The following TRDMT1 variants were observed in gnomAD, a reference collection of about 807,000 sequenced individuals.
The protein encoded by TRDMT1 is tRNA (cytosine(38)-C(5))-methyltransferase.
Under a neutral mutation model 51.2 loss-of-function variants are expected in TRDMT1, and 49 were observed. The ratio of observed to expected loss-of-function variants is 0.96; its 90% CI spans 0.76 to 1.21. TRDMT1 has a LOEUF of 1.21. Ranked by LOEUF, TRDMT1 falls within the 50% of genes most tolerant of loss-of-function variation. The pLI, the probability that TRDMT1 is intolerant of heterozygous loss-of-function variation, is 0.00. For missense variants in TRDMT1, 534 were observed against 462.3 expected (o/e 1.16, Z -1.42); for synonymous variants, 187 against 164.6 (o/e 1.14, Z -1.04).
intron 1 of TRDMT1, among the ~76,000 whole-genome samples, chr10:17,176,870 G>C (rs748887178): frequency 6.6e-6 from 1 of 152,038 alleles, no homozygotes; most frequent in Non-Finnish European, 1.5e-5. Flanking sequence ...TACATATATA[G>C]ATTTTGAAAA....
chr10:17,159,365 C>A, intron 6 of TRDMT1, 136 bp from the exon 7 acceptor site: 2 of 546,612 alleles, frequency 3.7e-6, no homozygotes, highest in Non-Finnish European at 6.5e-6. Flanking sequence ...AAATTTGCTA[C>A]GGATTTGTAG....
In TRDMT1 at chr10:17,140,976, A is replaced by T. The variant is rs1053658139; in HGVS notation, c.*8064T>A. On this transcript the variant is annotated 3_prime_UTR_variant, in exon 11 of 11. Transcript: ENST00000377799. ...TAATTGTAAAGAGCTGCATAGAGGT[A>T]TATGTGTATCGATACATATATAGAT... 3.4e-4 allele frequency among the ~76,000 whole-genome samples: 51 copies of T among 152,226 alleles called. No homozygotes were observed. Among genetic ancestry groups the T allele is most frequent in the Non-Finnish European group, 5.0e-4 (34 of 68,028 alleles).
chr10:17,157,642 AG>A lies in TRDMT1; in HGVS notation c.685del (p.Leu229PhefsTer22). The A allele has an allele frequency of 6.2e-7, 1 of 1,613,804 alleles. No individual in the cohort carries two copies. Among genetic ancestry groups the A allele is most frequent in the Non-Finnish European group, 8.5e-7 (1 of 1,179,832 alleles). On this transcript the variant is annotated frameshift_variant, in exon 8 of 11. Transcript: ENST00000377799. LOFTEE classifies it high-confidence loss of function. The part of the protein sequence containing the change: ...SIQCSGKDAI[L>X]FKLETAEEIH... The stretch of plus-strand genomic sequence containing the variant: ...TTCTTCTGCAGTTTCAAGCTTAAAA[AG>A]AATGGCATCTTTTCCAGAACACTGT...
At chr10:17,181,178 A>G (rs924002059) in intron 1 of TRDMT1, among the ~76,000 whole-genome samples, 1 of 152,216 alleles carries the variant, frequency 6.6e-6, no homozygotes, top group African/African-American at 2.4e-5. Context: ...GAATAAGTGC[A>G]TCACACTCTC....
intron 3 of TRDMT1, among the ~76,000 whole-genome samples, chr10:17,167,714 T>C (rs1841405392): frequency 6.6e-6 from 1 of 152,196 alleles, no homozygotes; most frequent in African/African-American, 2.4e-5. Flanking sequence ...CATATGAATT[T>C]TAAGAAATGT....
At chr10:17,153,886 G>A (rs531235652) in intron 9 of TRDMT1, among the ~76,000 whole-genome samples, 1 of 152,182 alleles carries the variant, frequency 6.6e-6, no homozygotes, top group African/African-American at 2.4e-5. Context: ...TCATTTTTGA[G>A]CCCTTAAAAT....
rs1564541460 is a variant in TRDMT1, at chr10:17,144,835, C to G, written c.*4205G>C. The G allele has an allele frequency of 1.0e-6, 1 of 984,254 alleles. No individual in the cohort carries two copies. Among genetic ancestry groups the G allele is most frequent in the African/African-American group, 1.8e-5 (1 of 56,880 alleles). 61.0% of individuals were successfully genotyped at this position (984,254 alleles called of 1,614,324 possible). A position where few individuals can be genotyped will look rare whatever the true frequency, so the allele number is the denominator to read the frequency against. ...TTTTCTTTTTTTTTTTAAACTGAAGCTTTAAAATTTCACCAGCAAAGACAA... is the reference window on the plus strand; with the variant it reads ...TTTTCTTTTTTTTTTTAAACTGAAGGTTTAAAATTTCACCAGCAAAGACAA... On this transcript the variant is annotated 3_prime_UTR_variant, in exon 11 of 11. Coordinates refer to ENST00000377799, the MANE Select transcript of TRDMT1 (RefSeq NM_004412.7).
rs934291443 is a variant in TRDMT1 at position 17,148,690 on chromosome 10, T to C, written c.*350A>G. On this transcript the variant is annotated 3_prime_UTR_variant, in exon 11 of 11. Coordinates refer to ENST00000377799, the MANE Select transcript of TRDMT1 (RefSeq NM_004412.7). ...TTCTTTAATTAACATAAAAATATGTTATGCCTGTTATGACACTTCACAAGA... is the reference window on the plus strand; with the variant it reads ...TTCTTTAATTAACATAAAAATATGTCATGCCTGTTATGACACTTCACAAGA... 1.0e-5 allele frequency: 10 copies of C among 982,440 alleles called. No individual in the cohort carries two copies. Among genetic ancestry groups the C allele is most frequent in the Non-Finnish European group, 1.2e-5 (10 of 826,534 alleles). 60.9% of individuals were successfully genotyped at this position (982,440 alleles called of 1,614,324 possible). A position where few individuals can be genotyped will look rare whatever the true frequency, so the allele number is the denominator to read the frequency against.
intron 1 of TRDMT1, among the ~76,000 whole-genome samples, chr10:17,197,377 T>C (rs1164010972): frequency 6.6e-6 from 1 of 152,124 alleles, no homozygotes; most frequent in Non-Finnish European, 1.5e-5. Flanking sequence ...GGAAAATAGA[T>C]ATAAATAAAG....
At chr10:17,182,593 T>C (rs1188464116) in intron 1 of TRDMT1, among the ~76,000 whole-genome samples, 9 of 152,170 alleles carry the variant, frequency 5.9e-5, no homozygotes. Context: ...CTGTTCTAAA[T>C]TGAAGAAAGA....
chr10:17,145,966 G>T lies in TRDMT1; in HGVS notation c.*3074C>A, dbSNP rs902260299. 3.7e-5 allele frequency: 36 copies of T among 985,332 alleles called. No homozygotes were observed. Among genetic ancestry groups the T allele is most frequent in the Non-Finnish European group, 4.1e-5 (34 of 829,962 alleles). The allele number at this position is 985,332 out of a possible 1,614,324, so 61.0% of individuals were successfully genotyped here. ...TCACTCTAGACCTCAACTAGGTTGA[G>T]ATGGGAGCAAAAACCCAGATGGTGA... On this transcript the variant is annotated 3_prime_UTR_variant, in exon 11 of 11. Transcript: ENST00000377799.
At chr10:17,151,031 G>A (rs536075682) in intron 10 of TRDMT1, 1,490 of 968,022 alleles carry the variant, frequency 1.5e-3, no homozygotes, top group Non-Finnish European at 1.8e-3. Context: ...GCGTGCATCT[G>A]TGCATATTTC....
chr10:17,166,681 A>G (rs955242524), intron 3 of TRDMT1, among the ~76,000 whole-genome samples: 5 of 152,178 alleles, frequency 3.3e-5, no homozygotes, highest in African/African-American at 1.2e-4. Context: ...AGAAATCTTC[A>G]GTTCTTATTT....
intron 1 of TRDMT1, among the ~76,000 whole-genome samples, chr10:17,196,946 GAAAA>G (rs941011319): frequency 1.3e-5 from 2 of 152,142 alleles, no homozygotes; most frequent in Non-Finnish European, 2.9e-5. Flanking sequence ...CCTCTCAAGG[GAAAA>G]CTGCGACAGC....
chr10:17,190,539 C>A (rs1004344541), intron 1 of TRDMT1, among the ~76,000 whole-genome samples: 2 of 151,362 alleles, frequency 1.3e-5, no homozygotes, highest in Non-Finnish European at 2.9e-5. Context: ...TCTCAAAAGC[C>A]CTGATTATTT....
intron 3 of TRDMT1, among the ~76,000 whole-genome samples, chr10:17,167,351 T>G (rs991851958): frequency 6.6e-6 from 1 of 152,200 alleles, no homozygotes; most frequent in African/African-American, 2.4e-5. Flanking sequence ...TTAACAAATC[T>G]TGGCTCTGAC....
chr10:17,145,859 G>C lies in TRDMT1; in HGVS notation c.*3181C>G. 1.0e-6 allele frequency: 1 copy of C among 985,408 alleles called. No individual in the cohort carries two copies. Among genetic ancestry groups the C allele is most frequent in the African/African-American group, 1.7e-5 (1 of 57,348 alleles). The allele number at this position is 985,408 out of a possible 1,614,324, so 61.0% of individuals were successfully genotyped here. ...TTAGATGAAATGTGGTTGCTTCTTTGTTCTGTTCTGCTATGGCTAAAATTA... is the reference window on the plus strand; with the variant it reads ...TTAGATGAAATGTGGTTGCTTCTTTCTTCTGTTCTGCTATGGCTAAAATTA... On this transcript the variant is annotated 3_prime_UTR_variant, in exon 11 of 11. Transcript: ENST00000377799.
intron 10 of TRDMT1, 31 bp from the exon 11 acceptor site, chr10:17,149,171 C>A: frequency 6.5e-7 from 1 of 1,528,162 alleles, no homozygotes; most frequent in South Asian, 1.1e-5. Flanking sequence ...TTAAAGAAAT[C>A]ATTTGTAATC....
chr10:17,168,552 G>A (rs936766407), intron 3 of TRDMT1, among the ~76,000 whole-genome samples: 3 of 151,986 alleles, frequency 2.0e-5, no homozygotes, highest in African/African-American at 4.8e-5. Context: ...GGGAGGTAAC[G>A]GAATCATGGG....
Sources: allele counts gnomAD v4.1 joint callset (sites outside exome capture counted in the v4.1 genomes callset), GRCh38; gene constraint gnomAD v4.1.1; transcripts MANE v1.5; gene names NCBI Gene and HGNC (gene_info 2026-07-23, HGNC 2026-07-21).